Variants in UBTD2 observed in about 807,000 individuals in gnomAD.
UBTD2 encodes the protein ubiquitin domain-containing protein 2.
Under a neutral mutation model 19.8 loss-of-function variants are expected in UBTD2, and 9 were observed. The observed-to-expected ratio is 0.46, with a 90% CI of 0.27 to 0.79. UBTD2 has a LOEUF of 0.79. Ranked by LOEUF, UBTD2 falls within the 30% of genes least tolerant of loss-of-function variation. The probability of loss-of-function intolerance (pLI) is 0.14; values close to 1 mark genes in which losing one functional copy is unlikely to be tolerated. For synonymous variants in UBTD2, 98 were observed against 103.9 expected (o/e 0.94, Z 0.35); for missense variants, 250 against 300.4 (o/e 0.83, Z 1.24).
intron 1 of UBTD2, among the ~76,000 whole-genome samples, chr5:172,234,831 C>T (rs888377669): frequency 8.0e-6 from 1 of 124,838 alleles, no homozygotes; most frequent in Non-Finnish European, 1.7e-5. Context: ...TCACTTGAGC[C>T]TGGGAGGTTG....
At chr5:172,249,882 G>C (rs1486497413) in intron 1 of UBTD2, among the ~76,000 whole-genome samples, 1 of 152,152 alleles carries the variant, frequency 6.6e-6, no homozygotes, top group Non-Finnish European at 1.5e-5. Flanking sequence ...AACTGGAATA[G>C]AAGAAAACTT....
intron 1 of UBTD2, among the ~76,000 whole-genome samples, chr5:172,245,472 G>C (rs1191097554): frequency 6.6e-6 from 1 of 152,138 alleles, no homozygotes; most frequent in Non-Finnish European, 1.5e-5. Context: ...ATTCTGTTTG[G>C]GATGCCAAGA....
At chr5:172,233,479 C>T (rs1385082628) in intron 2 of UBTD2, among the ~76,000 whole-genome samples, 2 of 152,080 alleles carry the variant, frequency 1.3e-5, no homozygotes, top group African/African-American at 4.8e-5. Context: ...GTACATGGAC[C>T]AGCATATGTG....
chr5:172,246,441 CTTTTTTTTTTT>C (rs36037402), intron 1 of UBTD2, among the ~76,000 whole-genome samples: 2 of 85,072 alleles, frequency 2.4e-5, no homozygotes, highest in Admixed American at 1.5e-4. Context: ...ATTGAGATTG[CTTTTTTTTTTT>C]TTTTTTTTTT....
chr5:172,284,013 G>C (rs952830914), upstream of UBTD2: 2 of 148,206 alleles, frequency 1.3e-5, no homozygotes, highest in Non-Finnish European at 3.0e-5. Flanking sequence ...GAGTCCAGGC[G>C]AGCCCCGCGC....
intron 2 of UBTD2, among the ~76,000 whole-genome samples, chr5:172,223,926 CAAGA>C: frequency 6.6e-6 from 1 of 152,190 alleles, no homozygotes; most frequent in East Asian, 1.9e-4. Flanking sequence ...TCACAAGGAG[CAAGA>C]AACCAACAGT....
Position 172,234,355 on chromosome 5 carries a change from G to T in UBTD2, c.74C>A (p.Ala25Asp). The change falls in exon 2 of 3, where the codon GCT (alanine) becomes GAT (aspartate). Residue 25 changes from alanine to aspartate, a missense_variant. Ala to Asp is a moderately radical substitution (Grantham distance 126). Transcript: ENST00000393792. The stretch of plus-strand genomic sequence containing the variant: ...TTTCAAAGGCTGGTTACGACCTAGA[G>T]CAACTGAAAAGAAAAATAAAAGACT... ...LNENSEGTGV[A>D]LGRNQPLKKE... The T allele has an allele frequency of 6.2e-7, 1 of 1,613,398 alleles. No homozygotes were observed. Among genetic ancestry groups the T allele is most frequent in the Non-Finnish European group, 8.5e-7 (1 of 1,179,700 alleles).
At chr5:172,277,851 CAAA>C (rs398065417) in intron 1 of UBTD2, among the ~76,000 whole-genome samples, 1 of 78,404 alleles carries the variant, frequency 1.3e-5, no homozygotes. Context: ...TCTTACCACT[CAAA>C]AAAAAAAAAA....
At chr5:172,215,233 T>C (rs1027861521) in intron 2 of UBTD2, among the ~76,000 whole-genome samples, 2 of 152,218 alleles carry the variant, frequency 1.3e-5, no homozygotes, top group Admixed American at 6.5e-5. Context: ...GTAGTGACAG[T>C]CAGAATAATT....
intron 2 of UBTD2, among the ~76,000 whole-genome samples, chr5:172,228,675 C>T (rs947725940): frequency 2.0e-5 from 3 of 151,742 alleles, no homozygotes; most frequent in Non-Finnish European, 4.4e-5. Flanking sequence ...GAGCTAAGAT[C>T]GCACCACTGC....
rs1315572327 is a variant in UBTD2 at position 172,210,445 on chromosome 5, C to T, written c.*1385G>A. On this transcript the variant is annotated 3_prime_UTR_variant, in exon 3 of 3. Transcript: ENST00000393792. ...GGCACAGTGGTCACATGTTAGCCCC[C>T]CTTCTCACTTATGGAACCAACTTTT... is the stretch of plus-strand genomic sequence containing the variant. 6.6e-6 allele frequency: 1 copy of T among 151,776 alleles called. No homozygotes were observed. The highest frequency in any genetic ancestry group is 2.4e-5 in the African/African-American group (1 of 41,386). The allele number at this position is 151,776 out of a possible 1,614,324, so 9.4% of individuals were successfully genotyped here. A position where few individuals can be genotyped will look rare whatever the true frequency, so the allele number is the denominator to read the frequency against.
At chr5:172,234,505 C>T (rs576583251) in intron 1 of UBTD2, 147 bp from the exon 2 acceptor site, 2 of 708,196 alleles carry the variant, frequency 2.8e-6, no homozygotes, top group Admixed American at 5.4e-5. Flanking sequence ...CCTGAAATTC[C>T]TCTAACACAT....
intron 1 of UBTD2, among the ~76,000 whole-genome samples, chr5:172,256,865 C>G (rs1193855107): frequency 6.6e-6 from 1 of 152,164 alleles, no homozygotes; most frequent in African/African-American, 2.4e-5. Flanking sequence ...TTGCAGTGAG[C>G]TGAGATCGCA....
chr5:172,223,617 A>AAAAAAG (rs1561850764), intron 2 of UBTD2, among the ~76,000 whole-genome samples: 1 of 129,282 alleles, frequency 7.7e-6, no homozygotes, highest in African/African-American at 3.0e-5. Context: ...AAAAAAAAAA[A>AAAAAAG]GCACACTTAG....
chr5:172,246,605 G>A (rs1754888416), intron 1 of UBTD2, among the ~76,000 whole-genome samples: 1 of 151,396 alleles, frequency 6.6e-6, no homozygotes, highest in Admixed American at 6.6e-5. Context: ...CACCATGCCT[G>A]GCTAATTTTT....
intron 2 of UBTD2, among the ~76,000 whole-genome samples, chr5:172,216,746 G>C (rs968990851): frequency 2.0e-5 from 3 of 151,644 alleles, no homozygotes; most frequent in African/African-American, 7.3e-5. Flanking sequence ...GCTTGAGATA[G>C]CCTGAGCTCA....
At chr5:172,213,932 A>C (rs1771497412) in intron 2 of UBTD2, among the ~76,000 whole-genome samples, 1 of 152,206 alleles carries the variant, frequency 6.6e-6, no homozygotes, top group African/African-American at 2.4e-5. Context: ...GATTACAGGC[A>C]TGCGCCACCA....
At chr5:172,264,875 CA>C (rs550969684) in intron 1 of UBTD2, among the ~76,000 whole-genome samples, 1 of 148,950 alleles carries the variant, frequency 6.7e-6, no homozygotes, top group Non-Finnish European at 1.5e-5. Flanking sequence ...GACCCCATCT[CA>C]AAAAAAAACA....
At chr5:172,262,425 G>T (rs1242936808) in intron 1 of UBTD2, among the ~76,000 whole-genome samples, 1 of 144,278 alleles carries the variant, frequency 6.9e-6, no homozygotes, top group African/African-American at 2.6e-5. Flanking sequence ...ATTCCAGCCT[G>T]GGTGACAGAG....
Sources: allele counts gnomAD v4.1 joint callset (sites outside exome capture counted in the v4.1 genomes callset), GRCh38; gene constraint gnomAD v4.1.1; transcripts MANE v1.5; gene names NCBI Gene and HGNC (gene_info 2026-07-23, HGNC 2026-07-21).